Variants in DMD observed in about 807,000 individuals in gnomAD.
The protein encoded by DMD is mutant dystrophin.
DMD carries 63 observed loss-of-function variants against 330.1 expected under a neutral mutation model. The ratio of observed to expected loss-of-function variants is 0.19; its 90% CI spans 0.16 to 0.24. DMD has a LOEUF of 0.24. DMD is among the 10% of genes least tolerant of loss of function. DMD has a pLI of 1.00. For synonymous variants in DMD, 1,223 were observed against 959.8 expected (o/e 1.27, Z -5.07); for missense variants, 3,344 against 2,684.1 (o/e 1.25, Z -5.43).
chrX:33,170,789 G>A (rs933842775), intron 1 of DMD, among the ~76,000 whole-genome samples: 2 of 111,554 alleles, frequency 1.8e-5, no homozygotes, highest in African/African-American at 6.5e-5. Flanking sequence ...TAGACAATAT[G>A]GATGTGATTT....
chrX:32,252,797 T>TATATAA (rs2097276923), intron 43 of DMD, among the ~76,000 whole-genome samples: 2 of 63,584 alleles, frequency 3.1e-5, no homozygotes, highest in African/African-American at 7.7e-5. Context: ...TATATAAATA[T>TATATAA]ATATATAAAT....
chrX:32,677,630 T>A (rs1256938893), intron 9 of DMD, among the ~76,000 whole-genome samples: 2 of 111,992 alleles, frequency 1.8e-5, no homozygotes, highest in Non-Finnish European at 3.8e-5. Flanking sequence ...TACACAAAGT[T>A]ACTATAAAAA....
intron 1 of DMD, among the ~76,000 whole-genome samples, chrX:33,329,423 G>T (rs2054137710): frequency 8.9e-6 from 1 of 111,895 alleles, no homozygotes; most frequent in African/African-American, 3.2e-5. Flanking sequence ...GCACATAACA[G>T]AACTACATGC....
At chrX:32,881,942 A>T (rs968609763) in intron 2 of DMD, among the ~76,000 whole-genome samples, 6 of 112,075 alleles carry the variant, frequency 5.4e-5, no homozygotes, top group African/African-American at 1.9e-4. Flanking sequence ...CAAAGGATTT[A>T]CTCATTCACA....
At chrX:33,211,028 G>A (rs1380732858) in intron 1 of DMD, among the ~76,000 whole-genome samples, 1 of 111,716 alleles carries the variant, frequency 9.0e-6, no homozygotes, top group Non-Finnish European at 1.9e-5. Context: ...TACTGCAGTG[G>A]TTTGTTAATC....
At chrX:32,229,754 CA>C (rs2147968959) in intron 43 of DMD, among the ~76,000 whole-genome samples, 1 of 83,887 alleles carries the variant, frequency 1.2e-5, no homozygotes, top group Non-Finnish European at 2.3e-5. Context: ...AATAAGTATA[CA>C]CCCACAAAAC....
intron 44 of DMD, among the ~76,000 whole-genome samples, chrX:32,079,208 A>T (rs895017246): frequency 9.0e-6 from 1 of 111,678 alleles, no homozygotes; most frequent in Non-Finnish European, 1.9e-5. Flanking sequence ...GGCAGCCTAG[A>T]AGGGTAGAAG....
chrX:32,724,646 C>T (rs1307444301), intron 7 of DMD, among the ~76,000 whole-genome samples: 2 of 111,491 alleles, frequency 1.8e-5, no homozygotes, highest in African/African-American at 6.5e-5. Flanking sequence ...TCCCATGGCA[C>T]TTAAAATCTT....
intron 1 of DMD, among the ~76,000 whole-genome samples, chrX:33,267,188 A>G (rs1391319427): frequency 9.0e-6 from 1 of 111,409 alleles, no homozygotes; most frequent in East Asian, 2.8e-4. Flanking sequence ...ATAGTAAAAC[A>G]TATAAAAATT....
chrX:32,694,847 G>A (rs753687676), intron 9 of DMD, among the ~76,000 whole-genome samples: 2 of 110,869 alleles, frequency 1.8e-5, no homozygotes, highest in Non-Finnish European at 3.8e-5. Context: ...GTAGAGATGG[G>A]GTTTTACCAT....
intron 64 of DMD, among the ~76,000 whole-genome samples, chrX:31,219,183 T>C (rs983092536): frequency 1.3e-4 from 14 of 111,427 alleles, no homozygotes; most frequent in African/African-American, 4.6e-4. Flanking sequence ...TCCATATGCG[T>C]TCACAGCTTC....
chrX:31,798,133 C>T (rs751104817), intron 50 of DMD, among the ~76,000 whole-genome samples: 1 of 111,783 alleles, frequency 8.9e-6, no homozygotes, highest in South Asian at 3.7e-4. Context: ...TTACTTCATC[C>T]CCCTTTTAAA....
chrX:31,887,598 A>C (rs1414982489), intron 47 of DMD, among the ~76,000 whole-genome samples: 1 of 112,167 alleles, frequency 8.9e-6, no homozygotes, highest in Non-Finnish European at 1.9e-5. Context: ...TGTTTTGGGT[A>C]ATAAAAGTTC....
At chrX:32,605,556 C>T (rs1263288100) in intron 12 of DMD, among the ~76,000 whole-genome samples, 1 of 107,055 alleles carries the variant, frequency 9.3e-6, no homozygotes, top group Non-Finnish European at 2.0e-5. Context: ...ATTTTAAAAT[C>T]TTCTGAACAG....
intron 55 of DMD, among the ~76,000 whole-genome samples, chrX:31,624,533 G>A (rs1370716656): frequency 8.9e-6 from 1 of 112,028 alleles, no homozygotes; most frequent in African/African-American, 3.2e-5. Flanking sequence ...TCCATATATA[G>A]AAAAACGGAT....
intron 17 of DMD, among the ~76,000 whole-genome samples, chrX:32,524,415 TC>T (rs2046758010): frequency 8.9e-6 from 1 of 112,431 alleles, no homozygotes; most frequent in East Asian, 2.8e-4. Flanking sequence ...AATGCATTAG[TC>T]CACATTATCA....
intron 53 of DMD, among the ~76,000 whole-genome samples, chrX:31,669,643 G>T (rs1299331381): frequency 9.0e-6 from 1 of 111,205 alleles, no homozygotes; most frequent in African/African-American, 3.3e-5. Flanking sequence ...GTTTACTTTT[G>T]AACTTTCAAT....
chrX:32,334,908 CT>C (rs1265261197), intron 41 of DMD, among the ~76,000 whole-genome samples: 1 of 110,774 alleles, frequency 9.0e-6, no homozygotes, highest in Non-Finnish European at 1.9e-5. Flanking sequence ...AACTTTTTTC[CT>C]TTTTTATTAA....
At chrX:31,826,717 A>G (rs1483975486) in intron 49 of DMD, among the ~76,000 whole-genome samples, 1 of 112,496 alleles carries the variant, frequency 8.9e-6, no homozygotes, top group East Asian at 2.8e-4. Context: ...AGGAAATCAA[A>G]TAAGTACTTA....
Sources: allele counts gnomAD v4.1 joint callset (sites outside exome capture counted in the v4.1 genomes callset), GRCh38; gene constraint gnomAD v4.1.1; transcripts MANE v1.5; gene names NCBI Gene and HGNC (gene_info 2026-07-23, HGNC 2026-07-21).